CYSLTR1: variants seen among roughly 807,000 people sequenced by gnomAD.
The protein encoded by CYSLTR1 is cysteinyl leukotriene receptor 1, also known as G-protein coupled receptor HG55.
In CYSLTR1, 1 loss-of-function variant was observed where a neutral mutation model predicts 2.1. The ratio of observed to expected loss-of-function variants is 0.48; its 90% CI spans 0.17 to 2.28. The LOEUF (loss-of-function observed/expected upper bound fraction) is 2.28, where lower values mean the gene tolerates loss of function less well. Among genes scored for constraint, CYSLTR1 ranks in the 30% most tolerant of loss-of-function variants. CYSLTR1 has a pLI of 0.26. For missense variants in CYSLTR1, 299 were observed against 250.1 expected, an observed-to-expected ratio of 1.20 and a Z score of -1.32; for synonymous variants, 110 against 89.6, an observed-to-expected ratio of 1.23 and a Z score of -1.28.
intron 1 of CYSLTR1, among the ~76,000 whole-genome samples, chrX:78,310,964 G>C (rs1423246528): frequency 9.1e-6 from 1 of 109,904 alleles, no homozygotes; most frequent in Non-Finnish European, 1.9e-5. Context: ...AAGAAATGCA[G>C]AAAGTATATC....
At position 78,287,113 on chromosome X, in the gene CYSLTR1, G is replaced by A. The variant is rs141061618; in HGVS notation, c.-114-3573C>T. Among the ~76,000 whole-genome samples, 51 of 111,522 alleles carry A rather than the reference G, an allele frequency of 4.6e-4. 2 individuals carry two copies. The highest frequency in any genetic ancestry group is 1.4e-3 in the African/African-American group (42 of 30,720). On this transcript the variant is annotated intron_variant, in intron 1 of 2. Coordinates refer to ENST00000373304, the MANE Select transcript of CYSLTR1 (RefSeq NM_006639.4). Reference sequence around the variant, plus strand: ...TATTTGCTACTATTTTATGGGTTGCGTTTTTATTCTCCTAACAGTGTCTTG... The same window carrying A: ...TATTTGCTACTATTTTATGGGTTGCATTTTTATTCTCCTAACAGTGTCTTG...
chrX:78,314,889 C>T (rs1923351525), intron 1 of CYSLTR1, among the ~76,000 whole-genome samples: 1 of 108,958 alleles, frequency 9.2e-6, no homozygotes, highest in African/African-American at 3.3e-5. Flanking sequence ...AAACTGTGCC[C>T]AGATACAGTG....
intron 1 of CYSLTR1, among the ~76,000 whole-genome samples, chrX:78,298,275 C>T (rs945236362): frequency 9.0e-6 from 1 of 111,567 alleles, no homozygotes; most frequent in African/African-American, 3.3e-5. Flanking sequence ...TGTTTTAAGA[C>T]TTGTTTTGTG....
chrX:78,286,734 T>C (rs949592123), intron 1 of CYSLTR1, among the ~76,000 whole-genome samples: 3 of 104,495 alleles, frequency 2.9e-5, no homozygotes, highest in African/African-American at 1.0e-4. Flanking sequence ...AGTGAGAACA[T>C]GCGGTGTTTA....
intron 1 of CYSLTR1, among the ~76,000 whole-genome samples, chrX:78,324,453 C>T (rs1047961901): frequency 3.6e-5 from 4 of 111,725 alleles, no homozygotes; most frequent in Admixed American, 2.8e-4. Context: ...CTGCGACCTC[C>T]ACCACCCGGG....
At chrX:78,284,971 C>G (rs1485845452) in intron 1 of CYSLTR1, among the ~76,000 whole-genome samples, 4 of 110,974 alleles carry the variant, frequency 3.6e-5, no homozygotes, top group Non-Finnish European at 5.7e-5. Flanking sequence ...ACATATGTAA[C>G]CTACTACAGT....
intron 2 of CYSLTR1, among the ~76,000 whole-genome samples, chrX:78,274,601 T>C (rs1163387481): frequency 9.0e-6 from 1 of 111,356 alleles, no homozygotes; most frequent in Admixed American, 9.6e-5. Context: ...AAGACTTAAA[T>C]ATTAGACCTA....
In CYSLTR1 at chrX:78,273,733, C is replaced by T; in HGVS notation, c.14G>A (p.Gly5Glu). Residue 5 changes from glycine to glutamate, a missense_variant, in exon 3 of 3, where the codon GGA (glycine) becomes GAA (glutamate). Physicochemically the swap from Gly to Glu is moderately conservative, Grantham distance 98 (BLOSUM62 -2). Transcript: ENST00000373304. The part of the protein sequence containing the change: MDET[G>E]NLTVSSATCH... ...TGTGGCAGAAGATACTGTCAGATTT[C>T]CTGTTTCATCCATGTTTCTCTACGA... 4 of 1,194,067 alleles carry T rather than the reference C, an allele frequency of 3.3e-6. No homozygotes were observed. The highest frequency in any genetic ancestry group is 4.5e-6 in the Non-Finnish European group (4 of 884,305).
intron 1 of CYSLTR1, among the ~76,000 whole-genome samples, chrX:78,285,298 T>G (rs938752344): frequency 9.1e-6 from 1 of 109,393 alleles, no homozygotes; most frequent in Non-Finnish European, 1.9e-5. Flanking sequence ...GCGGGCGCCT[T>G]TAGTCCCAGC....
At chrX:78,314,383 C>G (rs1191711270) in intron 1 of CYSLTR1, among the ~76,000 whole-genome samples, 1 of 111,662 alleles carries the variant, frequency 9.0e-6, no homozygotes, top group Non-Finnish European at 1.9e-5. Flanking sequence ...GAATGGAAGG[C>G]TCCACCAATT....
intron 1 of CYSLTR1, among the ~76,000 whole-genome samples, chrX:78,306,468 T>A (rs1046485940): frequency 6.3e-5 from 7 of 111,703 alleles, no homozygotes; most frequent in African/African-American, 2.3e-4. Context: ...CCAGCCTCCA[T>A]TGAGGGTTTT....
intron 1 of CYSLTR1, among the ~76,000 whole-genome samples, chrX:78,315,161 T>A (rs1923369706): frequency 9.3e-6 from 1 of 107,969 alleles, no homozygotes; most frequent in Non-Finnish European, 1.9e-5. Context: ...CTAGACATAC[T>A]CTGAAGGGAA....
At chrX:78,301,277 A>G (rs1399690996) in intron 1 of CYSLTR1, among the ~76,000 whole-genome samples, 1 of 112,344 alleles carries the variant, frequency 8.9e-6, no homozygotes, top group African/African-American at 3.2e-5. Flanking sequence ...GCTGACTTGA[A>G]TTTCTTCTCA....
At chrX:78,291,983 G>C (rs1922358002) in intron 1 of CYSLTR1, among the ~76,000 whole-genome samples, 1 of 109,941 alleles carries the variant, frequency 9.1e-6, no homozygotes, top group South Asian at 3.8e-4. Flanking sequence ...GTTCTGCTCT[G>C]ATCTTAGTTA....
Position 78,283,304 on chromosome X carries a change from C to T in CYSLTR1, c.-28+150G>A, listed in dbSNP as rs765830268. On this transcript the variant is annotated intron_variant, in intron 2 of 2. Coordinates refer to ENST00000373304, the MANE Select transcript of CYSLTR1 (RefSeq NM_006639.4). ...GGTTACAATACAGTATTGTAAAAGC[C>T]GTCTTAGCAGAAAACAAATGGGTTA... 5 of 111,590 alleles carry T rather than the reference C, an allele frequency of 4.5e-5. No individual in the cohort carries two copies. In the East Asian group the frequency reaches 8.4e-4, roughly 19 times the overall value. 9.2% of individuals were successfully genotyped at this position (111,590 alleles called of 1,213,427 possible). A position where few individuals can be genotyped will look rare whatever the true frequency, so the allele number is the denominator to read the frequency against.
chrX:78,276,374 T>G (rs1392508986), intron 2 of CYSLTR1, among the ~76,000 whole-genome samples: 3 of 111,442 alleles, frequency 2.7e-5, no homozygotes, highest in South Asian at 3.8e-4. Flanking sequence ...ATGTTGGCCT[T>G]TTACACAACT....
chrX:78,310,040 A>G (rs1318730819), intron 1 of CYSLTR1, among the ~76,000 whole-genome samples: 2 of 112,042 alleles, frequency 1.8e-5, no homozygotes, highest in South Asian at 3.7e-4. Flanking sequence ...TGAATTTAAA[A>G]TTTACAAATT....
chrX:78,300,757 C>T (rs1443766647), intron 1 of CYSLTR1, among the ~76,000 whole-genome samples: 1 of 112,751 alleles, frequency 8.9e-6, no homozygotes, highest in African/African-American at 3.2e-5. Context: ...CTATCCCATG[C>T]TGTTCTCATG....
At chrX:78,301,741 T>C (rs1456233831) in intron 1 of CYSLTR1, among the ~76,000 whole-genome samples, 1 of 112,086 alleles carries the variant, frequency 8.9e-6, no homozygotes, top group Non-Finnish European at 1.9e-5. Flanking sequence ...CTTCCACATC[T>C]TTGGGTATCT....
Sources: gnomAD v4.1 joint callset for allele counts (sites outside exome capture counted in the v4.1 genomes callset) on GRCh38, gnomAD v4.1.1 for gene constraint, MANE v1.5 for transcripts, NCBI Gene and HGNC (gene_info 2026-07-23, HGNC 2026-07-21) for gene names.